The following RSU1 variants were observed in gnomAD, a reference collection of about 807,000 sequenced individuals.
RSU1 encodes rsu-1.
RSU1 carries 26 observed loss-of-function variants against 31.1 expected under a neutral mutation model. That is an observed-to-expected ratio of 0.84 (90% CI 0.61 to 1.16). The LOEUF (loss-of-function observed/expected upper bound fraction) is 1.16. Among genes scored for constraint, RSU1 ranks in the 50% most tolerant of loss-of-function variants. The probability of loss-of-function intolerance (pLI) is 0.00; values close to 1 mark genes in which losing one functional copy is unlikely to be tolerated. For synonymous variants in RSU1, 164 were observed against 136.3 expected, an observed-to-expected ratio of 1.20 and a Z score of -1.41; for missense variants, 320 against 339.1, an observed-to-expected ratio of 0.94 and a Z score of 0.44.
At chr10:16,812,212 C>T (rs1238729459) in intron 2 of RSU1, among the ~76,000 whole-genome samples, 5 of 152,172 alleles carry the variant, frequency 3.3e-5, no homozygotes, top group African/African-American at 7.2e-5. Flanking sequence ...GAGGCCAAGG[C>T]GGGTGGATCA....
chr10:16,691,744 T>G (rs1334059784), intron 8 of RSU1, among the ~76,000 whole-genome samples: 5 of 133,376 alleles, frequency 3.7e-5, no homozygotes, highest in Admixed American at 7.7e-5. Context: ...TTTTTTTTTT[T>G]TTTTGTTTGA....
At chr10:16,633,507 C>G (rs1834289659) in intron 8 of RSU1, among the ~76,000 whole-genome samples, 2 of 152,124 alleles carry the variant, frequency 1.3e-5, no homozygotes, top group Admixed American at 6.5e-5. Context: ...TTTAGTCTTT[C>G]TTCTTATCAT....
intron 4 of RSU1, among the ~76,000 whole-genome samples, chr10:16,760,934 G>GTTTATTTA (rs1242081685): frequency 6.6e-6 from 1 of 151,952 alleles, no homozygotes; most frequent in African/African-American, 2.4e-5. Flanking sequence ...ATTGGAGCTC[G>GTTTATTTA]TTTATTTATT....
At chr10:16,688,113 A>G (rs1033602580) in intron 8 of RSU1, among the ~76,000 whole-genome samples, 1 of 152,132 alleles carries the variant, frequency 6.6e-6, no homozygotes, top group African/African-American at 2.4e-5. Flanking sequence ...ATGCTACCTA[A>G]TTTTATCATT....
At chr10:16,660,684 T>G (rs1182315676) in intron 8 of RSU1, among the ~76,000 whole-genome samples, 1 of 139,012 alleles carries the variant, frequency 7.2e-6, no homozygotes, top group African/African-American at 2.7e-5. Flanking sequence ...TCTCGTTCTG[T>G]CACTCAGGCT....
At chr10:16,813,121 C>T (rs568091986) in intron 2 of RSU1, among the ~76,000 whole-genome samples, 210 of 152,088 alleles carry the variant, frequency 1.4e-3, no homozygotes, top group African/African-American at 4.8e-3. Context: ...TGCACATCAC[C>T]CTCAGCTCAT....
chr10:16,604,059 C>A (rs918009480), intron 8 of RSU1, among the ~76,000 whole-genome samples: 5 of 152,134 alleles, frequency 3.3e-5, no homozygotes, highest in Non-Finnish European at 1.5e-5. Flanking sequence ...CACCAATGAT[C>A]ACTTTGGCCC....
intron 2 of RSU1, among the ~76,000 whole-genome samples, chr10:16,790,093 T>C (rs975840566): frequency 6.6e-6 from 1 of 152,182 alleles, no homozygotes; most frequent in Non-Finnish European, 1.5e-5. Context: ...CTGTGATTTA[T>C]GATTTTTTTA....
At chr10:16,791,647 A>G (rs1837918146) in intron 2 of RSU1, among the ~76,000 whole-genome samples, 1 of 152,106 alleles carries the variant, frequency 6.6e-6, no homozygotes, top group African/African-American at 2.4e-5. Context: ...AAAAAAAAAA[A>G]AAAAGAAAAA....
At chr10:16,671,920 C>T (rs973295161) in intron 8 of RSU1, among the ~76,000 whole-genome samples, 7 of 151,596 alleles carry the variant, frequency 4.6e-5, no homozygotes, top group African/African-American at 1.5e-4. Flanking sequence ...GCCACCATGC[C>T]CGGCTGGCTC....
At chr10:16,641,666 A>G (rs567992594) in intron 8 of RSU1, among the ~76,000 whole-genome samples, 5 of 152,188 alleles carry the variant, frequency 3.3e-5, no homozygotes, top group Non-Finnish European at 7.4e-5. Flanking sequence ...ATTGCCAACA[A>G]CAGCCCCTGC....
rs1455217122 is a variant in RSU1 at position 16,785,497 on chromosome 10, T to TACACACAC, written c.110-3414_110-3413insGTGTGTGT. ...ACATATATACATATATACATATATA[T>TACACACAC]ATACACATATATACATATATATATA... On this transcript the variant is annotated intron_variant, in intron 2 of 8. Transcript: ENST00000345264. Among the ~76,000 whole-genome samples, 813 of 126,270 alleles carry TACACACAC rather than the reference T, an allele frequency of 6.4e-3. 42 individuals are homozygous for TACACACAC. Among genetic ancestry groups the TACACACAC allele is most frequent in the East Asian group, 0.057 (231 of 4,080 alleles). The allele number at this position is 126,270 out of a possible 152,430, so 82.8% of individuals were successfully genotyped here.
At chr10:16,644,576 TAAAAAGTAGTGACTCTAGA>T (rs1285211500) in intron 8 of RSU1, among the ~76,000 whole-genome samples, 1 of 152,174 alleles carries the variant, frequency 6.6e-6, no homozygotes, top group African/African-American at 2.4e-5. Flanking sequence ...GTCATACAGC[TAAAAAGTAGTGACTCTAGA>T]ACAGAAACCA....
intron 4 of RSU1, among the ~76,000 whole-genome samples, chr10:16,758,608 G>A (rs1837143186): frequency 6.6e-6 from 1 of 152,176 alleles, no homozygotes; most frequent in African/African-American, 2.4e-5. Flanking sequence ...AAATGAGGCT[G>A]ACAACACCTT....
chr10:16,816,731 A>G (rs1838540977), intron 2 of RSU1, among the ~76,000 whole-genome samples: 1 of 152,254 alleles, frequency 6.6e-6, no homozygotes, highest in Non-Finnish European at 1.5e-5. Flanking sequence ...CATACAGCAG[A>G]GACAACCGAT....
At position 16,717,859 on chromosome 10, in the gene RSU1, T is replaced by A. The variant is rs1269187416; in HGVS notation, c.599-22704A>T. On this transcript the variant is annotated intron_variant, in intron 7 of 8. Transcript: ENST00000345264. ...CACAAAAAAAACGCATTACTATAAA[T>A]AACAGAGTGAAAGTGGAGATCTACC... Among the ~76,000 whole-genome samples, 4 of 152,000 alleles carry A rather than the reference T, an allele frequency of 2.6e-5. No individual in the cohort carries two copies. The East Asian group carries it at 7.8e-4, about 29-fold the overall frequency.
intron 3 of RSU1, among the ~76,000 whole-genome samples, chr10:16,766,067 C>T (rs1271218229): frequency 6.6e-6 from 1 of 152,222 alleles, no homozygotes; most frequent in Non-Finnish European, 1.5e-5. Context: ...TAAGGTATCA[C>T]TGGCCTTTTA....
In RSU1 at chr10:16,785,525, T is replaced by TATACATATATATACATATATATATATAA. The variant is rs1564357418; in HGVS notation, c.110-3442_110-3441insTTATATATATATATGTATATATATGTAT. ...ACACATATATACATATATATATATA[T>TATACATATATATACATATATATATATAA]AATATTAGTTCTTTCCCTCTAGAGA... On this transcript the variant is annotated intron_variant, in intron 2 of 8. Coordinates refer to ENST00000345264, the MANE Select transcript of RSU1 (RefSeq NM_012425.4). Among the ~76,000 whole-genome samples, 131 of 139,068 alleles carry TATACATATATATACATATATATATATAA rather than the reference T, an allele frequency of 9.4e-4. 1 individual carries two copies. Among genetic ancestry groups the TATACATATATATACATATATATATATAA allele is most frequent in the African/African-American group, 3.7e-3 (129 of 34,564 alleles). The allele number at this position is 139,068 out of a possible 152,430, so 91.2% of individuals were successfully genotyped here.
At chr10:16,729,932 G>A (rs1356098175) in intron 7 of RSU1, among the ~76,000 whole-genome samples, 1 of 152,138 alleles carries the variant, frequency 6.6e-6, no homozygotes, top group African/African-American at 2.4e-5. Context: ...TTTTTGTGTT[G>A]CTATAATGGA....
Sources: gnomAD v4.1 joint callset for allele counts (sites outside exome capture counted in the v4.1 genomes callset) on GRCh38, gnomAD v4.1.1 for gene constraint, MANE v1.5 for transcripts, NCBI Gene and HGNC (gene_info 2026-07-23, HGNC 2026-07-21) for gene names.